The following SPSB4 variants were observed in gnomAD, a reference collection of about 807,000 sequenced individuals.
SPSB4 encodes the protein SPRY domain-containing SOCS box protein 4.
In SPSB4, 21 loss-of-function variants were observed where a neutral mutation model predicts 20.9. The observed-to-expected ratio is 1.01, with a 90% CI of 0.71 to 1.45. SPSB4 has a LOEUF of 1.45. Among genes scored for constraint, SPSB4 ranks in the 40% most tolerant of loss-of-function variants. SPSB4 has a pLI of 0.00. For missense variants in SPSB4, 399 were observed against 399.2 expected, an observed-to-expected ratio of 1.00 and a Z score of 0.00; for synonymous variants, 207 against 183.8, an observed-to-expected ratio of 1.13 and a Z score of -1.02.
At chr3:141,071,762 A>G (rs986577880) in intron 2 of SPSB4, among the ~76,000 whole-genome samples, 2 of 152,226 alleles carry the variant, frequency 1.3e-5, no homozygotes, top group Non-Finnish European at 2.9e-5. Context: ...TCTTGGGCCT[A>G]ACTGGCTGAG....
intron 2 of SPSB4, among the ~76,000 whole-genome samples, chr3:141,072,680 C>G (rs1409778189): frequency 1.3e-5 from 2 of 152,192 alleles, no homozygotes; most frequent in Admixed American, 1.3e-4. Flanking sequence ...ATTACCCAGC[C>G]TCAGATATTT....
At chr3:141,103,181 C>G (rs982235501) in intron 2 of SPSB4, among the ~76,000 whole-genome samples, 1 of 152,200 alleles carries the variant, frequency 6.6e-6, no homozygotes, top group Non-Finnish European at 1.5e-5. Flanking sequence ...AGCCATGTCC[C>G]CCTCTGAGCT....
At chr3:141,111,966 G>A (rs570653960) in intron 2 of SPSB4, among the ~76,000 whole-genome samples, 12 of 152,210 alleles carry the variant, frequency 7.9e-5, no homozygotes, top group East Asian at 5.8e-4. Context: ...CCGTCTCTCC[G>A]CTAAATAGAC....
intron 2 of SPSB4, among the ~76,000 whole-genome samples, chr3:141,108,768 G>A (rs1042964994): frequency 2.6e-5 from 4 of 152,346 alleles, no homozygotes; most frequent in Middle Eastern, 3.4e-3. Context: ...CTGTGGCATC[G>A]AGGAAGTGCA....
chr3:141,058,658 C>T (rs1937703942), intron 1 of SPSB4, among the ~76,000 whole-genome samples: 1 of 152,078 alleles, frequency 6.6e-6, no homozygotes, highest in East Asian at 1.9e-4. Flanking sequence ...GGGATGAGCC[C>T]GACTTGGCCA....
chr3:141,118,256 A>G (rs1270536592), intron 2 of SPSB4, among the ~76,000 whole-genome samples: 2 of 152,174 alleles, frequency 1.3e-5, no homozygotes, highest in South Asian at 4.2e-4. Context: ...GATGATGAGC[A>G]TTTTTTCATA....
rs536249055 is a variant in SPSB4 at position 141,069,301 on chromosome 3, G to A, written c.694+2503G>A. Among the ~76,000 whole-genome samples, 23 of 152,236 alleles carry A rather than the reference G, an allele frequency of 1.5e-4. 1 individual carries two copies. Among genetic ancestry groups the A allele is most frequent in the South Asian group, 1.2e-3 (6 of 4,814 alleles). On this transcript the variant is annotated intron_variant, in intron 2 of 2. Coordinates refer to ENST00000310546, the MANE Select transcript of SPSB4 (RefSeq NM_080862.3). ...ATAGGAGAAGCTGCAGTGGAGTCTC[G>A]CAGGGATAGTTGGGAAGGGACTGTG...
chr3:141,091,875 T>G (rs1233567733), intron 2 of SPSB4, among the ~76,000 whole-genome samples: 1 of 152,196 alleles, frequency 6.6e-6, no homozygotes, highest in Non-Finnish European at 1.5e-5. Flanking sequence ...AGAGACTTCC[T>G]TTTGTCAGAC....
chr3:141,080,859 T>C (rs997367076), intron 2 of SPSB4, among the ~76,000 whole-genome samples: 2 of 152,216 alleles, frequency 1.3e-5, no homozygotes, highest in African/African-American at 4.8e-5. Context: ...ACCCAGAGTC[T>C]GGTGTGGGAT....
At chr3:141,091,343 T>C (rs1440038340) in intron 2 of SPSB4, among the ~76,000 whole-genome samples, 1 of 152,234 alleles carries the variant, frequency 6.6e-6, no homozygotes, top group Non-Finnish European at 1.5e-5. Flanking sequence ...AGCATTGTCA[T>C]GGAGATTAGT....
intron 1 of SPSB4, among the ~76,000 whole-genome samples, chr3:141,052,193 G>T (rs1320451094): frequency 6.6e-6 from 1 of 152,166 alleles, no homozygotes; most frequent in Admixed American, 6.5e-5. Flanking sequence ...CCGGCCTTTG[G>T]TATCATGGGT....
rs180996364 is a variant in SPSB4 at position 141,108,283 on chromosome 3, C to A, written c.695-38859C>A. Among the ~76,000 whole-genome samples, 400 of 152,306 alleles carry A rather than the reference C, an allele frequency of 2.6e-3. 1 individual carries two copies. Among genetic ancestry groups the A allele is most frequent in the African/African-American group, 9.3e-3 (388 of 41,570 alleles). ...CCGATGACACCTTTGCTATGAATAA[C>A]CCACAAAATCAATTACTGCAGTGGG... On this transcript the variant is annotated intron_variant, in intron 2 of 2. Coordinates refer to ENST00000310546, the MANE Select transcript of SPSB4 (RefSeq NM_080862.3).
chr3:141,133,164 T>C (rs1235043662), intron 2 of SPSB4, among the ~76,000 whole-genome samples: 1 of 152,238 alleles, frequency 6.6e-6, no homozygotes, highest in African/African-American at 2.4e-5. Flanking sequence ...TTTGTTTTTT[T>C]CTTGCTGATT....
intron 2 of SPSB4, among the ~76,000 whole-genome samples, chr3:141,146,443 A>G (rs1261644241): frequency 6.6e-6 from 1 of 152,038 alleles, no homozygotes; most frequent in Non-Finnish European, 1.5e-5. Flanking sequence ...GCTTTTAAAC[A>G]TTTTCCATCA....
At chr3:141,086,307 C>G (rs959028197) in intron 2 of SPSB4, among the ~76,000 whole-genome samples, 1 of 152,198 alleles carries the variant, frequency 6.6e-6, no homozygotes, top group Non-Finnish European at 1.5e-5. Flanking sequence ...GTGGGAGACA[C>G]AGAGGGTAGC....
chr3:141,138,151 G>A (rs1939259324), intron 2 of SPSB4, among the ~76,000 whole-genome samples: 1 of 152,120 alleles, frequency 6.6e-6, no homozygotes, highest in African/African-American at 2.4e-5. Flanking sequence ...TCTGATGGTA[G>A]CTTGTATTTC....
intron 2 of SPSB4, among the ~76,000 whole-genome samples, chr3:141,124,444 A>G (rs929352510): frequency 2.0e-5 from 3 of 152,220 alleles, no homozygotes; most frequent in Admixed American, 6.5e-5. Context: ...TAGTCACCGT[A>G]ATGATGAGAA....
chr3:141,133,455 A>G (rs1939167391), intron 2 of SPSB4, among the ~76,000 whole-genome samples: 2 of 152,086 alleles, frequency 1.3e-5, no homozygotes, highest in African/African-American at 2.4e-5. Context: ...ACCCATCTTG[A>G]GGTGATTTTT....
intron 1 of SPSB4, among the ~76,000 whole-genome samples, chr3:141,052,850 CA>C (rs2107772430): frequency 6.6e-6 from 1 of 152,332 alleles, no homozygotes; most frequent in East Asian, 1.9e-4. Context: ...CTGTACGCGC[CA>C]GGGGCTCCAA....
Sources: gnomAD v4.1 joint callset for allele counts (sites outside exome capture counted in the v4.1 genomes callset) on GRCh38, gnomAD v4.1.1 for gene constraint, MANE v1.5 for transcripts, NCBI Gene and HGNC (gene_info 2026-07-23, HGNC 2026-07-21) for gene names.